The following AK5 variants were observed in gnomAD, a reference collection of about 807,000 sequenced individuals.
AK5 encodes adenylate kinase isoenzyme 5.
AK5 carries 27 observed loss-of-function variants against 69.5 expected under a neutral mutation model. The ratio of observed to expected loss-of-function variants is 0.39; its 90% CI spans 0.29 to 0.54. The LOEUF (loss-of-function observed/expected upper bound fraction) is 0.54, where lower values mean the gene tolerates loss of function less well. Ranked by LOEUF, AK5 falls within the 20% of genes least tolerant of loss-of-function variation. AK5 has a pLI of 0.71. For missense variants in AK5, 531 were observed against 700.4 expected (o/e 0.76, Z 2.73); for synonymous variants, 260 against 244.4 (o/e 1.06, Z -0.60).
rs1428487118 is a variant in AK5 at position 77,367,654 on chromosome 1, T to TTA, written c.891+27094_891+27095dup. ...TAATATATATGTTATGTTATATATG[T>TTA]TATATATATGTTATATATAATATAT... On this transcript the variant is annotated intron_variant, in intron 6 of 13. Transcript: ENST00000354567. 2.1e-4 allele frequency among the ~76,000 whole-genome samples: 22 copies of TTA among 102,684 alleles called. 1 individual carries two copies. In the East Asian group the frequency reaches 2.3e-3, roughly 11 times the overall value. 67.4% of individuals were successfully genotyped at this position (102,684 alleles called of 152,430 possible).
intron 13 of AK5, among the ~76,000 whole-genome samples, chr1:77,537,057 G>A (rs1659010247): frequency 3.3e-5 from 5 of 152,086 alleles, no homozygotes. Context: ...TAAGATTCTT[G>A]AATCCTTGCA....
At chr1:77,284,486 A>AT (rs755546006) in intron 1 of AK5, among the ~76,000 whole-genome samples, 2 of 152,136 alleles carry the variant, frequency 1.3e-5, no homozygotes, top group Admixed American at 1.3e-4. Flanking sequence ...ACCTTTTCAG[A>AT]TTTTTTCCTA....
chr1:77,539,773 T>A (rs374269677), intron 13 of AK5, among the ~76,000 whole-genome samples: 1 of 152,202 alleles, frequency 6.6e-6, no homozygotes, highest in South Asian at 2.1e-4. Context: ...AGTAACAGCT[T>A]GTGGCCTGCT....
chr1:77,368,234 TATATATATATA>T (rs1483830850), intron 6 of AK5, among the ~76,000 whole-genome samples: 106 of 3,736 alleles, frequency 0.028, 4 homozygotes, highest in Non-Finnish European at 0.033. Flanking sequence ...TATATATATA[TATATATATATA>T]TATATATAAT....
At position 77,467,107 on chromosome 1, in the gene AK5, G is replaced by A. The variant is rs189152890; in HGVS notation, c.1060-16210G>A. Among the ~76,000 whole-genome samples the A allele has an allele frequency of 2.3e-3, 354 of 152,358 alleles. 3 individuals are homozygous for A. The highest frequency in any genetic ancestry group is 8.3e-3 in the African/African-American group (344 of 41,588). On this transcript the variant is annotated intron_variant, in intron 8 of 13. Coordinates refer to ENST00000354567, the MANE Select transcript of AK5 (RefSeq NM_174858.3). ...TCTCCCTGAATTGTAACATACTCCT[G>A]TATAGAAAGTAATATCAAATTGCCT... is the stretch of plus-strand genomic sequence containing the variant.
chr1:77,327,922 C>G (rs1009808572), intron 5 of AK5, among the ~76,000 whole-genome samples: 2 of 152,152 alleles, frequency 1.3e-5, no homozygotes, highest in South Asian at 2.1e-4. Flanking sequence ...CATTAGCACT[C>G]TAAAGGACAA....
chr1:77,349,884 C>T (rs868684495), intron 6 of AK5, among the ~76,000 whole-genome samples: 27 of 152,162 alleles, frequency 1.8e-4, no homozygotes, highest in African/African-American at 4.6e-4. Context: ...TCCTTGTCTC[C>T]CTTAAGTCTT....
At chr1:77,548,145 G>T (rs1041248815) in intron 13 of AK5, among the ~76,000 whole-genome samples, 2 of 152,168 alleles carry the variant, frequency 1.3e-5, no homozygotes, top group Admixed American at 1.3e-4. Flanking sequence ...CAGACTGCAC[G>T]TACTATGGGA....
chr1:77,305,824 G>A (rs951722395), intron 5 of AK5, among the ~76,000 whole-genome samples: 1 of 152,048 alleles, frequency 6.6e-6, no homozygotes, highest in African/African-American at 2.4e-5. Flanking sequence ...TGGCTATTCT[G>A]GGTCTTTTGT....
At chr1:77,430,281 G>A (rs1259795443) in intron 8 of AK5, among the ~76,000 whole-genome samples, 1 of 152,170 alleles carries the variant, frequency 6.6e-6, no homozygotes, top group Non-Finnish European at 1.5e-5. Flanking sequence ...AAGTCAACAG[G>A]ACTTCATGTT....
intron 8 of AK5, among the ~76,000 whole-genome samples, chr1:77,456,177 C>G (rs944613545): frequency 6.6e-6 from 1 of 152,172 alleles, no homozygotes; most frequent in African/African-American, 2.4e-5. Flanking sequence ...TTCCTCAATA[C>G]TAAGAGTGAG....
At chr1:77,429,493 C>G (rs1279701037) in intron 8 of AK5, among the ~76,000 whole-genome samples, 1 of 152,090 alleles carries the variant, frequency 6.6e-6, no homozygotes, top group Non-Finnish European at 1.5e-5. Context: ...ATATGAGGTG[C>G]TGGGGATACA....
intron 6 of AK5, among the ~76,000 whole-genome samples, chr1:77,390,758 A>G (rs1320230148): frequency 6.6e-6 from 1 of 152,252 alleles, no homozygotes; most frequent in Non-Finnish European, 1.5e-5. Context: ...TTTTATGTAT[A>G]TAATACTATA....
At chr1:77,411,576 C>T (rs1650046014) in intron 7 of AK5, among the ~76,000 whole-genome samples, 1 of 152,070 alleles carries the variant, frequency 6.6e-6, no homozygotes, top group African/African-American at 2.4e-5. Flanking sequence ...ATCATACCTC[C>T]TAATGTAGGC....
chr1:77,370,214 G>A (rs1431497704), intron 6 of AK5, among the ~76,000 whole-genome samples: 4 of 152,114 alleles, frequency 2.6e-5, no homozygotes, highest in East Asian at 1.9e-4. Context: ...CCCAAGCCAC[G>A]GGTACACAGC....
Position 77,470,844 on chromosome 1 carries a change from TATATATATATATATATATATATA to T in AK5, c.1060-12472_1060-12450del, listed in dbSNP as rs1557615457. Reference sequence around the variant, plus strand: ...CATTTAGAATATATATATATATATATATATATATATATATATATATATATATATATATTTTTTTTTTTTTTTTT... The same window carrying T: ...CATTTAGAATATATATATATATATATTATATATATTTTTTTTTTTTTTTTT... On this transcript the variant is annotated intron_variant, in intron 8 of 13. Coordinates refer to ENST00000354567, the MANE Select transcript of AK5 (RefSeq NM_174858.3). Among the ~76,000 whole-genome samples the T allele has an allele frequency of 8.2e-3, 32 of 3,896 alleles. 2 individuals carry two copies. Among genetic ancestry groups the T allele is most frequent in the South Asian group, 0.047 (5 of 106 alleles). 2.6% of individuals were successfully genotyped at this position (3,896 alleles called of 152,430 possible).
chr1:77,408,405 G>A (rs999784791), intron 6 of AK5, among the ~76,000 whole-genome samples: 1 of 152,014 alleles, frequency 6.6e-6, no homozygotes, highest in African/African-American at 2.4e-5. Flanking sequence ...ATTTTTTCAT[G>A]TTTTTTGGCC....
chr1:77,400,932 T>TAA lies in AK5; in HGVS notation c.892-10049_892-10048insAA, dbSNP rs1557562083. ...CATGATTTGTCCTTCTTTCATTCTG[T>TAA]TAAAAAAAAAAAAAAAAAAAAAAGT... is the stretch of plus-strand genomic sequence containing the variant. On this transcript the variant is annotated intron_variant, in intron 6 of 13. Transcript: ENST00000354567. 4.4e-3 allele frequency among the ~76,000 whole-genome samples: 130 copies of TAA among 29,784 alleles called. 1 individual carries two copies. Among genetic ancestry groups the TAA allele is most frequent in the African/African-American group, 0.014 (120 of 8,816 alleles). 19.5% of individuals were successfully genotyped at this position (29,784 alleles called of 152,430 possible).
chr1:77,400,925 C>T (rs1649171282), intron 6 of AK5, among the ~76,000 whole-genome samples: 1 of 104,730 alleles, frequency 9.5e-6, no homozygotes. Flanking sequence ...GTCCTTCTTT[C>T]ATTCTGTTAA....
Sources: gnomAD v4.1 joint callset for allele counts (sites outside exome capture counted in the v4.1 genomes callset) on GRCh38, gnomAD v4.1.1 for gene constraint, MANE v1.5 for transcripts, NCBI Gene and HGNC (gene_info 2026-07-23, HGNC 2026-07-21) for gene names.